Variants in STK4 observed in about 807,000 individuals in gnomAD.
The protein encoded by STK4 is serine/threonine-protein kinase 4.
STK4 carries 30 observed loss-of-function variants against 64.9 expected under a neutral mutation model. The ratio of observed to expected loss-of-function variants is 0.46; its 90% confidence interval spans 0.35 to 0.63. The LOEUF is 0.63. Ranked by LOEUF, STK4 falls within the 20% of genes least tolerant of loss-of-function variation. The pLI is 0.01. For missense variants in STK4, 466 were observed against 598.5 expected (o/e 0.78, Z 2.31); for synonymous variants, 177 against 199.0 (o/e 0.89, Z 0.93).
chr20:45,042,866 A>C (rs920642821), intron 10 of STK4, among the ~76,000 whole-genome samples: 3 of 145,914 alleles, frequency 2.1e-5, no homozygotes, highest in Non-Finnish European at 3.0e-5. Context: ...TTTTAAGTTC[A>C]GGGGCACATG....
At chr20:45,035,617 T>C (rs2068515629) in intron 10 of STK4, among the ~76,000 whole-genome samples, 1 of 152,246 alleles carries the variant, frequency 6.6e-6, no homozygotes, top group Non-Finnish European at 1.5e-5. Flanking sequence ...TCTCTGTGTG[T>C]ACTATGTGTG....
At chr20:45,001,086 A>C (rs1034684257) in intron 8 of STK4, 81 bp from the exon 9 acceptor site, 4 of 1,422,048 alleles carry the variant, frequency 2.8e-6, no homozygotes, top group Non-Finnish European at 3.8e-6. Context: ...AAATATTTTC[A>C]CTAAGACAGG....
chr20:45,053,949 A>G (rs987645995), intron 10 of STK4, among the ~76,000 whole-genome samples: 2 of 151,266 alleles, frequency 1.3e-5, no homozygotes, highest in East Asian at 1.9e-4. Context: ...GGGAACCTCT[A>G]TCCATGAAAT....
intron 1 of STK4, 140 bp downstream of exon 1, chr20:44,966,743 A>G (rs1601160826): frequency 2.0e-6 from 2 of 1,015,850 alleles, no homozygotes; most frequent in Non-Finnish European, 2.6e-6. Flanking sequence ...GAGGGGGGGG[A>G]CGTCTGGTGG....
At chr20:45,001,134 T>G in intron 8 of STK4, 33 bp from the exon 9 acceptor site, 1 of 1,583,712 alleles carries the variant, frequency 6.3e-7, no homozygotes, top group Non-Finnish European at 8.6e-7. Flanking sequence ...TTTTGTCAAA[T>G]TAGCCCCAAT....
In STK4 at chr20:45,075,404, G is replaced by A. The variant is rs537296871; in HGVS notation, c.*228G>A. 6.6e-6 allele frequency: 3 copies of A among 452,784 alleles called. No individual in the cohort carries two copies. Among genetic ancestry groups the A allele is most frequent in the Admixed American group, 3.5e-5 (1 of 28,260 alleles). The allele number at this position is 452,784 out of a possible 1,614,324, so 28.0% of individuals were successfully genotyped here. On this transcript the variant is annotated 3_prime_UTR_variant, in exon 11 of 11. Coordinates refer to ENST00000372806, the MANE Select transcript of STK4 (RefSeq NM_006282.5). Reference sequence around the variant, plus strand: ...ATTATCTCAAAGGATTTATATTGGCGCTTTTAACTCAGAGTTTTAAACCCC... The same window carrying A: ...ATTATCTCAAAGGATTTATATTGGCACTTTTAACTCAGAGTTTTAAACCCC...
chr20:44,978,678 G>A, intron 3 of STK4, 107 bp downstream of exon 3: 1 of 1,270,954 alleles, frequency 7.9e-7, no homozygotes, highest in Non-Finnish European at 1.0e-6. Flanking sequence ...TTGCAGAAGG[G>A]AGAATTCGAT....
chr20:44,968,662 T>C (rs911565929), intron 1 of STK4, among the ~76,000 whole-genome samples: 1 of 152,254 alleles, frequency 6.6e-6, no homozygotes, highest in Non-Finnish European at 1.5e-5. Flanking sequence ...GTTTCCCCCT[T>C]TGCCTTGTCT....
In STK4 at chr20:44,995,604, T is replaced by TGA. The variant is rs1568701260; in HGVS notation, c.693+347_693+348insGA. ...CTGGGAGAGAGAGTGAGACTCCATC[T>TGA]CAAAAAAAAAAAAAAAAAAAAAAAA... On this transcript the variant is annotated intron_variant, in intron 6 of 10. Transcript: ENST00000372806. Among the ~76,000 whole-genome samples the TGA allele has an allele frequency of 1.5e-3, 49 of 31,906 alleles. 1 individual carries two copies. Among genetic ancestry groups the TGA allele is most frequent in the African/African-American group, 6.4e-3 (45 of 7,056 alleles). The allele number at this position is 31,906 out of a possible 152,430, so 20.9% of individuals were successfully genotyped here. A position where few individuals can be genotyped will look rare whatever the true frequency, so the allele number is the denominator to read the frequency against.
intron 9 of STK4, among the ~76,000 whole-genome samples, chr20:45,018,677 A>G (rs1316708469): frequency 6.6e-6 from 1 of 151,990 alleles, no homozygotes; most frequent in African/African-American, 2.4e-5. Context: ...TTGTGCAACC[A>G]TCACCACAAT....
At chr20:45,055,547 ACCAGCTTTTGGTTTTGTTGAT>A (rs943406926) in intron 10 of STK4, among the ~76,000 whole-genome samples, 3 of 151,060 alleles carry the variant, frequency 2.0e-5, no homozygotes, top group African/African-American at 7.3e-5. Context: ...TTAAGCCCAA[ACCAGCTTTTGGTTTTGTTGAT>A]CCTTGCTACT....
At chr20:45,020,420 T>G (rs112429944) in intron 9 of STK4, among the ~76,000 whole-genome samples, 2,025 of 148,424 alleles carry the variant, frequency 0.014, 22 homozygotes, top group Non-Finnish European at 0.023. Flanking sequence ...TTTTCCAGAT[T>G]TAGGGGTGTA....
intron 9 of STK4, among the ~76,000 whole-genome samples, chr20:45,018,053 A>C (rs6065773): frequency 6.6e-6 from 1 of 152,120 alleles, no homozygotes; most frequent in Non-Finnish European, 1.5e-5. Flanking sequence ...GAGCTGATAC[A>C]TGTAAAGCAC....
Position 45,026,318 on chromosome 20 carries a change from AGTGTGTGTGT to A in STK4, c.1305+1210_1305+1219del, listed in dbSNP as rs113148879. On this transcript the variant is annotated intron_variant, in intron 10 of 10. Coordinates refer to ENST00000372806, the MANE Select transcript of STK4 (RefSeq NM_006282.5). ...AAAAGGGAGGTTAGGAGACAGAAAG[AGTGTGTGTGT>A]GTGTGTGTGTGTGTGTGTGTGCATA... is the stretch of plus-strand genomic sequence containing the variant. Among the ~76,000 whole-genome samples, 54 of 145,788 alleles carry A rather than the reference AGTGTGTGTGT, an allele frequency of 3.7e-4. 1 individual carries two copies. The highest frequency in any genetic ancestry group is 1.4e-3 in the East Asian group (7 of 4,966).
chr20:44,991,107 G>C (rs1419557793), intron 5 of STK4, among the ~76,000 whole-genome samples: 1 of 152,148 alleles, frequency 6.6e-6, no homozygotes, highest in Non-Finnish European at 1.5e-5. Context: ...CTTTTTGAGT[G>C]AGTTTTGAGA....
chr20:45,010,131 C>T (rs1023131201), intron 9 of STK4, among the ~76,000 whole-genome samples: 1 of 151,946 alleles, frequency 6.6e-6, no homozygotes, highest in East Asian at 1.9e-4. Context: ...TGCAGTGGTG[C>T]GATCTCGGCT....
At chr20:44,987,432 A>G in intron 5 of STK4, 136 bp downstream of exon 5, 1 of 841,608 alleles carries the variant, frequency 1.2e-6, no homozygotes, top group Non-Finnish European at 1.8e-6. Context: ...CCAATAGGTT[A>G]CAAAAGAGCT....
At chr20:44,972,021 A>T in intron 1 of STK4, 57 bp from the exon 2 acceptor site, 1 of 1,493,862 alleles carries the variant, frequency 6.7e-7, no homozygotes, top group Admixed American at 1.8e-5. Context: ...GATATATTTT[A>T]TGTTCTAGTT....
intron 4 of STK4, among the ~76,000 whole-genome samples, chr20:44,984,130 A>G (rs1056646658): frequency 7.1e-6 from 1 of 141,088 alleles, no homozygotes; most frequent in Non-Finnish European, 1.5e-5. Flanking sequence ...GTAGGTTATT[A>G]TATTTAAGTA....
Sources: allele counts gnomAD v4.1 joint callset (sites outside exome capture counted in the v4.1 genomes callset), GRCh38; gene constraint gnomAD v4.1.1; transcripts MANE v1.5; gene names NCBI Gene and HGNC (gene_info 2026-07-23, HGNC 2026-07-21).